Variants in DNM1 observed in about 807,000 individuals in gnomAD.
The protein encoded by DNM1 is dynamin-1.
Under a neutral mutation model 104.6 loss-of-function variants are expected in DNM1, and 29 were observed. The observed-to-expected ratio is 0.28, with a 90% CI of 0.21 to 0.38. The LOEUF is 0.38. DNM1 is among the 10% of genes least tolerant of loss of function. The probability of loss-of-function intolerance (pLI) is 1.00; values close to 1 mark genes in which losing one functional copy is unlikely to be tolerated. For missense variants in DNM1, 640 were observed against 1,189.4 expected, an observed-to-expected ratio of 0.54 and a Z score of 6.79; for synonymous variants, 445 against 475.8, an observed-to-expected ratio of 0.94 and a Z score of 0.84.
chr9:128,252,363 A>G, intron 21 of DNM1: 1 of 379,256 alleles, frequency 2.6e-6, no homozygotes. Flanking sequence ...GCAAATCATG[A>G]CCCTACCTTG....
chr9:128,239,875 G>A, intron 13 of DNM1, 96 bp downstream of exon 13: 1 of 1,566,976 alleles, frequency 6.4e-7, no homozygotes, highest in South Asian at 1.1e-5. Flanking sequence ...GGGTCCCACG[G>A]GGGCCAGGGA....
Position 128,218,522 on chromosome 9 carries a change from C to T in DNM1, c.236-60C>T. ...CTATTACCGGTGGGAGATGAAAACC[C>T]CCAGGTGGGGTTCCAGACCTTGATG... On this transcript the variant is annotated intron_variant, in intron 2 of 21. Transcript: ENST00000372923. This position sits in a 1 kb window ranked among gnomAD's most constrained non-coding sequence, Gnocchi z 4.8. 1.3e-6 allele frequency: 2 copies of T among 1,570,162 alleles called. No individual in the cohort carries two copies. Among genetic ancestry groups the T allele is most frequent in the South Asian group, 1.2e-5 (1 of 85,364 alleles).
At chr9:128,217,024 G>A (rs548516921) in intron 1 of DNM1, among the ~76,000 whole-genome samples, 2 of 152,300 alleles carry the variant, frequency 1.3e-5, no homozygotes, top group South Asian at 4.1e-4. Flanking sequence ...GAGGGAGGTG[G>A]ATGAAAAGAG....
chr9:128,214,983 T>C (rs1303561129), intron 1 of DNM1, among the ~76,000 whole-genome samples: 1 of 152,126 alleles, frequency 6.6e-6, no homozygotes, highest in African/African-American at 2.4e-5. Flanking sequence ...TGTGTCCAGG[T>C]GAAAGGGAAG....
intron 1 of DNM1, among the ~76,000 whole-genome samples, chr9:128,205,701 A>G (rs1248156129): frequency 6.6e-6 from 1 of 152,058 alleles, no homozygotes; most frequent in Non-Finnish European, 1.5e-5. Context: ...ATGGGTGGAA[A>G]GGTGCTTTTG....
Position 128,222,394 on chromosome 9 carries a change from G to T in DNM1, c.992+55G>T. ...TCCCCGCCCCCAGCCTCTCAGCGTG[G>T]GGCTCTCCCAGGGTTCCCTTTGCTG... On this transcript the variant is annotated intron_variant, in intron 7 of 21. Transcript: ENST00000372923. The surrounding 1 kb of genome is among the most constrained non-coding windows in gnomAD (Gnocchi z 7.8). The T allele has an allele frequency of 6.2e-7, 1 of 1,609,230 alleles. No homozygotes were observed. Among genetic ancestry groups the T allele is most frequent in the Non-Finnish European group, 8.5e-7 (1 of 1,176,594 alleles).
rs143374099 is a variant in DNM1 at position 128,248,595 on chromosome 9, G to A, written c.1918G>A (p.Glu640Lys). The A allele has an allele frequency of 5.6e-6, 9 of 1,613,610 alleles. No individual in the cohort carries two copies. The highest frequency in any genetic ancestry group is 3.3e-5 in the South Asian group (3 of 91,068). ...VGDKEKASET[E>K]ENGSDSFMHS... is the part of the protein sequence containing the mutation. ...TTCTCCATGGCAGGCCAGCGAGACCGAGGAGAATGGCTCCGACAGCTTCAT... is the reference window on the plus strand; with the variant it reads ...TTCTCCATGGCAGGCCAGCGAGACCAAGGAGAATGGCTCCGACAGCTTCAT... Residue 640 changes from glutamate (E) to lysine (K), a missense_variant, in exon 19 of 22, where the codon GAG becomes AAG. Coordinates refer to ENST00000372923, the MANE Select transcript of DNM1 (RefSeq NM_004408.4). The surrounding 1 kb of genome is among the most constrained non-coding windows in gnomAD (Gnocchi z 5.6).
In DNM1 at chr9:128,218,490, G is replaced by T. The variant is rs757364937; in HGVS notation, c.236-92G>T. ...TGGTGGTTCTGCTTGGGTGTGTCTA[G>T]GGGGTTCTATTACCGGTGGGAGATG... is the stretch of plus-strand genomic sequence containing the variant. On this transcript the variant is annotated intron_variant, in intron 2 of 21. Coordinates refer to ENST00000372923, the MANE Select transcript of DNM1 (RefSeq NM_004408.4). The surrounding 1 kb of genome is among the most constrained non-coding windows in gnomAD (Gnocchi z 4.8). 2.7e-6 allele frequency: 4 copies of T among 1,492,060 alleles called. No individual in the cohort carries two copies. The highest frequency in any genetic ancestry group is 3.7e-6 in the Non-Finnish European group (4 of 1,084,376). 92.4% of individuals were successfully genotyped at this position (1,492,060 alleles called of 1,614,324 possible).
rs1156753559 is a variant in DNM1, at chr9:128,234,070, C to G, written c.1385C>G (p.Thr462Ser). ...LREEMERIVT[T>S]HIREREGRTK... ...GAGGAGATGGAGCGCATCGTGACCA[C>G]CCACATCCGGGAGCGCGAGGGCCGC... Residue 462 changes from threonine to serine, a missense_variant, in exon 11 of 22, where the codon ACC (threonine) becomes AGC (serine). Coordinates refer to ENST00000372923, the MANE Select transcript of DNM1 (RefSeq NM_004408.4). 1 of 1,578,222 alleles carries G rather than the reference C, an allele frequency of 6.3e-7. No individual in the cohort carries two copies. The highest frequency in any genetic ancestry group is 2.4e-5 in the East Asian group (1 of 42,490).
intron 10 of DNM1, among the ~76,000 whole-genome samples, chr9:128,227,260 T>G (rs1588387012): frequency 6.6e-6 from 1 of 151,422 alleles, no homozygotes; most frequent in Admixed American, 6.6e-5. Flanking sequence ...GTGATCCACC[T>G]GCCTCGGCCT....
chr9:128,224,512 G>C lies in DNM1; in HGVS notation c.1335+123G>C. ...CATGTACAGACCTCAGCGGGGTGGG[G>C]AGGCAGGCCACCACTGAATAGGAGA... On this transcript the variant is annotated intron_variant, in intron 10 of 21. Coordinates refer to ENST00000372923, the MANE Select transcript of DNM1 (RefSeq NM_004408.4). This position sits in a 1 kb window ranked among gnomAD's most constrained non-coding sequence, Gnocchi z 4.3. 1 of 923,432 alleles carries C rather than the reference G, an allele frequency of 1.1e-6. No homozygotes were observed. Among genetic ancestry groups the C allele is most frequent in the South Asian group, 2.1e-5 (1 of 47,190 alleles). The allele number at this position is 923,432 out of a possible 1,614,324, so 57.2% of individuals were successfully genotyped here.
intron 19 of DNM1, among the ~76,000 whole-genome samples, chr9:128,249,329 G>A (rs1829366132): frequency 6.6e-6 from 1 of 152,110 alleles, no homozygotes; most frequent in Admixed American, 6.6e-5. Context: ...GGGCAACACA[G>A]TGAGACTTTG....
rs745958902 is a variant in DNM1, at chr9:128,222,156, T to C, written c.850-41T>C. The stretch of plus-strand genomic sequence containing the variant: ...GCATCCAAGTCCCTTCCTGGCCCTG[T>C]GACCATCTGTCCTCAACCCTTTCCT... On this transcript the variant is annotated intron_variant, in intron 6 of 21. Transcript: ENST00000372923. The surrounding 1 kb of genome is among the most constrained non-coding windows in gnomAD (Gnocchi z 7.8). 3.8e-6 allele frequency: 6 copies of C among 1,580,222 alleles called. No homozygotes were observed. In the Admixed American group the frequency reaches 8.8e-5, roughly 23 times the overall value.
rs1434832497 is a variant in DNM1 at position 128,253,137 on chromosome 9, G to GGTA, written c.2535-1515_2535-1513dup. 9.3e-6 allele frequency: 15 copies of GGTA among 1,605,930 alleles called. No individual in the cohort carries two copies. The highest frequency in any genetic ancestry group is 1.3e-5 in the Non-Finnish European group (15 of 1,179,932). ...GTGACCCCTGAGGAGCGTCAGCCAT[G>GGTA]GTAGGTACATGCCTCACCGCCTGCT... On this transcript the variant is annotated intron_variant, in intron 21 of 21. Transcript: ENST00000372923. This position sits in a 1 kb window ranked among gnomAD's most constrained non-coding sequence, Gnocchi z 5.9.
chr9:128,250,504 C>CG (rs1829448468), intron 20 of DNM1, 148 bp downstream of exon 20: 2 of 1,063,054 alleles, frequency 1.9e-6, no homozygotes, highest in African/African-American at 3.3e-5. Flanking sequence ...GGGCTTGTCG[C>CG]GGGGCGGGGC....
At position 128,248,066 on chromosome 9, in the gene DNM1, C is replaced by G. The variant is rs1196693673; in HGVS notation, c.1905+131C>G. On this transcript the variant is annotated intron_variant, in intron 18 of 21. Transcript: ENST00000372923. The surrounding 1 kb of genome is among the most constrained non-coding windows in gnomAD (Gnocchi z 5.6). ...GATTGGGGCCAGGCGCAGTGGCTCA[C>G]ACCTGTAAACCCAACACTTTGGGAG... 1 of 1,255,190 alleles carries G rather than the reference C, an allele frequency of 8.0e-7. No homozygotes were observed. The highest frequency in any genetic ancestry group is 2.3e-5 in the East Asian group (1 of 43,018). The allele number at this position is 1,255,190 out of a possible 1,614,324, so 77.8% of individuals were successfully genotyped here.
At chr9:128,227,093 C>G (rs888107346) in intron 10 of DNM1, among the ~76,000 whole-genome samples, 2 of 145,500 alleles carry the variant, frequency 1.4e-5, no homozygotes, top group African/African-American at 5.2e-5. Flanking sequence ...TGGCTCACTG[C>G]AACCTCTGCC....
chr9:128,241,115 G>A (rs569706707), intron 14 of DNM1: 1 of 152,402 alleles, frequency 6.6e-6, no homozygotes, highest in South Asian at 2.1e-4. Context: ...TGGGTTCTCA[G>A]CGAGGTTCTC....
At position 128,228,023 on chromosome 9, in the gene DNM1, TTTTG is replaced by T. The variant is rs545774228; in HGVS notation, c.1335+3654_1335+3657del. ...CCACCACACCCCACCCAGCTAATAT[TTTTG>T]TTTGTTTGTTTGTTTGTTTTTGGTT... On this transcript the variant is annotated intron_variant, in intron 10 of 21. Coordinates refer to ENST00000372923, the MANE Select transcript of DNM1 (RefSeq NM_004408.4). Among the ~76,000 whole-genome samples, 361 of 151,824 alleles carry T rather than the reference TTTTG, an allele frequency of 2.4e-3. 1 individual carries two copies. The highest frequency in any genetic ancestry group is 8.1e-3 in the African/African-American group (337 of 41,410).
Sources: allele counts gnomAD v4.1 joint callset (sites outside exome capture counted in the v4.1 genomes callset), GRCh38; gene constraint gnomAD v4.1.1; non-coding constraint Gnocchi (gnomAD v3.1); transcripts MANE v1.5; gene names NCBI Gene and HGNC (gene_info 2026-07-23, HGNC 2026-07-21).